The following PTPRD variants were observed in gnomAD, a reference collection of about 807,000 sequenced individuals.
PTPRD encodes receptor-type tyrosine-protein phosphatase delta.
A neutral mutation model predicts 214.5 loss-of-function variants in PTPRD; 34 were observed. That is an observed-to-expected ratio of 0.16 (90% CI 0.12 to 0.21). PTPRD has a LOEUF of 0.21. Ranked by LOEUF, PTPRD falls within the 10% of genes least tolerant of loss-of-function variation. The pLI is 1.00. For synonymous variants in PTPRD, 1,128 were observed against 845.7 expected, an observed-to-expected ratio of 1.33 and a Z score of -5.79; for missense variants, 2,545 against 2,398.7, an observed-to-expected ratio of 1.06 and a Z score of -1.27.
At chr9:9,365,538 A>T (rs2057637690) in intron 9 of PTPRD, among the ~76,000 whole-genome samples, 1 of 151,580 alleles carries the variant, frequency 6.6e-6, no homozygotes. Flanking sequence ...GTAGTTCTAT[A>T]AAATTCCATT....
intron 5 of PTPRD, among the ~76,000 whole-genome samples, chr9:9,852,053 C>T (rs1371074626): frequency 6.6e-6 from 1 of 152,044 alleles, no homozygotes; most frequent in East Asian, 1.9e-4. Context: ...CTCTTCTCAT[C>T]TGCAGAGCAT....
chr9:9,010,404 C>T (rs2099505447), intron 11 of PTPRD, among the ~76,000 whole-genome samples: 1 of 152,188 alleles, frequency 6.6e-6, no homozygotes, highest in Non-Finnish European at 1.5e-5. Flanking sequence ...TGCTCTGTGT[C>T]TGGTGAGTTC....
intron 12 of PTPRD, among the ~76,000 whole-genome samples, chr9:8,714,955 TTGTC>T (rs2098415469): frequency 6.6e-6 from 1 of 152,186 alleles, no homozygotes; most frequent in African/African-American, 2.4e-5. Flanking sequence ...ATTTTTTTTT[TTGTC>T]TGTCTTGGTC....
chr9:9,977,361 T>C (rs1232360261), intron 4 of PTPRD, among the ~76,000 whole-genome samples: 1 of 152,186 alleles, frequency 6.6e-6, no homozygotes, highest in South Asian at 2.1e-4. Context: ...AATACATTTA[T>C]AAATATAATG....
At chr9:9,464,902 T>C (rs899141434) in intron 8 of PTPRD, among the ~76,000 whole-genome samples, 10 of 152,330 alleles carry the variant, frequency 6.6e-5, no homozygotes, top group African/African-American at 2.4e-4. Flanking sequence ...ATTAAGCATG[T>C]CCAATGCAGG....
intron 11 of PTPRD, among the ~76,000 whole-genome samples, chr9:8,839,304 A>ATTTATTTGTTTG (rs749479921): frequency 5.0e-5 from 1 of 19,970 alleles, no homozygotes; most frequent in African/African-American, 3.0e-4. Context: ...AGGGGATTTT[A>ATTTATTTGTTTG]TTTATTTATT....
chr9:9,974,282 TAC>T (rs770839660), intron 4 of PTPRD, among the ~76,000 whole-genome samples: 35 of 152,184 alleles, frequency 2.3e-4, no homozygotes, highest in Non-Finnish European at 4.1e-4. Context: ...ACCAGGTAAA[TAC>T]ATTTATTTTT....
chr9:10,064,529 G>A (rs1167547994), intron 3 of PTPRD, among the ~76,000 whole-genome samples: 1 of 151,802 alleles, frequency 6.6e-6, no homozygotes, highest in Non-Finnish European at 1.5e-5. Context: ...TGTGGTTAAT[G>A]GTCTATCATT....
rs773347476 is a variant in PTPRD at position 10,445,362 on chromosome 9, G to A, written c.-599-104345C>T. Among the ~76,000 whole-genome samples the A allele has an allele frequency of 2.6e-5, 4 of 152,162 alleles. No individual in the cohort carries two copies. The South Asian group carries it at 8.3e-4, about 32-fold the overall frequency. On this transcript the variant is annotated intron_variant, in intron 2 of 45. Coordinates refer to ENST00000381196, the MANE Select transcript of PTPRD (RefSeq NM_002839.4). ...GGAGTTGCATTTTTAGGCAGGTACA[G>A]AGAGAAGCTGGAAACAGGGAAACTA...
chr9:9,011,201 C>A lies in PTPRD; in HGVS notation c.-104+7496G>T, dbSNP rs182234395. Reference sequence around the variant, plus strand: ...AAGTGGGGGGAGTCTTTTCAGGAATCATCAGTCATAGCTTCTCCTCATTTA... The same window carrying A: ...AAGTGGGGGGAGTCTTTTCAGGAATAATCAGTCATAGCTTCTCCTCATTTA... On this transcript the variant is annotated intron_variant, in intron 11 of 45. Transcript: ENST00000381196. 2.3e-3 allele frequency among the ~76,000 whole-genome samples: 355 copies of A among 152,150 alleles called. 1 individual carries two copies. The highest frequency in any genetic ancestry group is 4.6e-3 in the Admixed American group (71 of 15,272).
chr9:8,956,326 T>C (rs2099131497), intron 11 of PTPRD, among the ~76,000 whole-genome samples: 1 of 151,752 alleles, frequency 6.6e-6, no homozygotes, highest in African/African-American at 2.4e-5. Context: ...AAAAGAAAAA[T>C]AAAAACCATC....
chr9:9,863,501 T>C (rs1339096989), intron 5 of PTPRD, among the ~76,000 whole-genome samples: 3 of 152,098 alleles, frequency 2.0e-5, no homozygotes, highest in African/African-American at 7.2e-5. Flanking sequence ...ACTAAACAAT[T>C]TGGGGGAATT....
intron 3 of PTPRD, among the ~76,000 whole-genome samples, chr9:10,160,442 C>A (rs1384957359): frequency 6.6e-6 from 1 of 151,900 alleles, no homozygotes; most frequent in East Asian, 1.9e-4. Context: ...AATACCAATT[C>A]TTCTCAAAGA....
At chr9:8,628,802 C>G (rs1312076505) in intron 14 of PTPRD, among the ~76,000 whole-genome samples, 2 of 151,770 alleles carry the variant, frequency 1.3e-5, no homozygotes, top group South Asian at 2.1e-4. Context: ...AGAGTAGGTA[C>G]ACATAAGTAT....
chr9:10,423,404 T>A (rs2154517039), intron 2 of PTPRD, among the ~76,000 whole-genome samples: 1 of 152,094 alleles, frequency 6.6e-6, no homozygotes, highest in South Asian at 2.1e-4. Context: ...TGTATACATA[T>A]GTAACAAACC....
intron 8 of PTPRD, among the ~76,000 whole-genome samples, chr9:9,520,275 ATATATATTAAGT>A (rs1237985661): frequency 6.0e-4 from 46 of 76,440 alleles, no homozygotes; most frequent in African/African-American, 1.2e-3. Context: ...TTATATATAT[ATATATATTAAGT>A]TATATATATA....
In PTPRD at chr9:8,618,729, C is replaced by G. The variant is rs116890529; in HGVS notation, c.352+14588G>C. 2.2e-3 allele frequency among the ~76,000 whole-genome samples: 330 copies of G among 151,858 alleles called. 3 individuals are homozygous for G. Among genetic ancestry groups the G allele is most frequent in the East Asian group, 0.016 (80 of 5,116 alleles). On this transcript the variant is annotated intron_variant, in intron 14 of 45. Transcript: ENST00000381196. ...ATTCTTGTTTTTAGACAGAGTATTG[C>G]TCTGTTGCCCAGGCTAGAATGCAGT...
intron 11 of PTPRD, among the ~76,000 whole-genome samples, chr9:8,958,393 C>A (rs868687915): frequency 1.3e-5 from 2 of 151,798 alleles, no homozygotes; most frequent in East Asian, 3.9e-4. Context: ...TGATGTTTAG[C>A]CTTTTCAAAA....
chr9:9,564,112 T>A (rs2083678503), intron 8 of PTPRD, among the ~76,000 whole-genome samples: 1 of 152,032 alleles, frequency 6.6e-6, no homozygotes, highest in African/African-American at 2.4e-5. Context: ...CTCCCAAGAG[T>A]GTATTTAATG....
Sources: gnomAD v4.1 joint callset for allele counts (sites outside exome capture counted in the v4.1 genomes callset) on GRCh38, gnomAD v4.1.1 for gene constraint, MANE v1.5 for transcripts, NCBI Gene and HGNC (gene_info 2026-07-23, HGNC 2026-07-21) for gene names.